The following NUP107 variants were observed in gnomAD, a reference collection of about 807,000 sequenced individuals.
NUP107 encodes the protein nuclear pore complex protein Nup107.
A neutral mutation model predicts 141.0 loss-of-function variants in NUP107; 101 were observed. The observed-to-expected ratio is 0.72, with a 90% CI of 0.61 to 0.84. NUP107 has a LOEUF of 0.84. Among genes scored for constraint, NUP107 ranks in the 40% least tolerant of loss-of-function variants. The pLI is 0.00. For missense variants in NUP107, 941 were observed against 1,102.7 expected, an observed-to-expected ratio of 0.85 and a Z score of 2.08; for synonymous variants, 319 against 363.9, an observed-to-expected ratio of 0.88 and a Z score of 1.41.
intron 18 of NUP107, among the ~76,000 whole-genome samples, chr12:68,726,158 T>G (rs1022128527): frequency 1.3e-5 from 2 of 152,174 alleles, no homozygotes; most frequent in Admixed American, 6.6e-5. Flanking sequence ...CCAGTTTTAT[T>G]TTACTCTTTA....
At chr12:68,714,325 CAA>C (rs1464772989) in intron 11 of NUP107, 2 of 151,874 alleles carry the variant, frequency 1.3e-5, no homozygotes, top group South Asian at 2.1e-4. Flanking sequence ...CATTTAGTAA[CAA>C]AGAGGTTTTT....
chr12:68,725,543 G>A (rs1334556732), intron 17 of NUP107, among the ~76,000 whole-genome samples, 184 bp from the exon 18 acceptor site: 3 of 152,144 alleles, frequency 2.0e-5, no homozygotes, highest in African/African-American at 7.2e-5. Flanking sequence ...TAAGCTGTGA[G>A]TATATTCCAA....
chr12:68,705,435 A>G (rs1467329040), intron 8 of NUP107, among the ~76,000 whole-genome samples: 1 of 151,448 alleles, frequency 6.6e-6, no homozygotes, highest in African/African-American at 2.4e-5. Flanking sequence ...TTTTAAAGGG[A>G]GTATCTCACT....
chr12:68,716,241 C>CT (rs370681977), intron 12 of NUP107, among the ~76,000 whole-genome samples: 1,289 of 116,670 alleles, frequency 0.011, 47 homozygotes, highest in African/African-American at 0.03. Flanking sequence ...TTCTTTCTTT[C>CT]TTTCTTTTTT....
intron 8 of NUP107, chr12:68,705,763 A>G: frequency 1.4e-6 from 1 of 730,558 alleles, no homozygotes; most frequent in Non-Finnish European, 2.5e-6. Context: ...AATGGGCAGC[A>G]GCAGTTTCCG....
intron 5 of NUP107, among the ~76,000 whole-genome samples, chr12:68,696,322 G>A (rs906864506): frequency 6.6e-6 from 1 of 151,162 alleles, no homozygotes; most frequent in African/African-American, 2.4e-5. Flanking sequence ...CTGAGATTGC[G>A]CCACTGCACT....
At chr12:68,723,190 T>C (rs1331843784) in intron 17 of NUP107, among the ~76,000 whole-genome samples, 1 of 151,062 alleles carries the variant, frequency 6.6e-6, no homozygotes, top group Admixed American at 6.6e-5. Flanking sequence ...CTGGGCAGCA[T>C]AGCAAAACTT....
At chr12:68,716,787 C>T (rs1277186242) in intron 12 of NUP107, among the ~76,000 whole-genome samples, 1 of 152,128 alleles carries the variant, frequency 6.6e-6, no homozygotes, top group African/African-American at 2.4e-5. Flanking sequence ...TTATGTTGTA[C>T]TTGGTTTACA....
chr12:68,696,041 A>C (rs1348050579), intron 5 of NUP107, among the ~76,000 whole-genome samples: 4 of 151,800 alleles, frequency 2.6e-5, no homozygotes. Context: ...GATTAAGATA[A>C]ATTTTATATT....
At position 68,730,449 on chromosome 12, in the gene NUP107, C is replaced by G. The variant is rs1304048772; in HGVS notation, c.1735-661C>G. Among the ~76,000 whole-genome samples the G allele has an allele frequency of 4.6e-5, 7 of 152,030 alleles. No homozygotes were observed. In the East Asian group the frequency reaches 1.4e-3, roughly 30 times the overall value. ...GGCCAGGCTGGTCTTGAACTCCTGG[C>G]CTTAGGTGATCCGCCTGCCTCAGCC... On this transcript the variant is annotated intron_variant, in intron 20 of 27. Coordinates refer to ENST00000229179, the MANE Select transcript of NUP107 (RefSeq NM_020401.4).
intron 4 of NUP107, among the ~76,000 whole-genome samples, 177 bp downstream of exon 4, chr12:68,690,923 T>C (rs1875754268): frequency 6.6e-6 from 1 of 151,762 alleles, no homozygotes; most frequent in African/African-American, 2.4e-5. Flanking sequence ...CTACTAACAA[T>C]AAAAAAATTA....
intron 22 of NUP107, among the ~76,000 whole-genome samples, chr12:68,732,411 C>T (rs1335110759): frequency 6.6e-6 from 1 of 151,970 alleles, no homozygotes; most frequent in Non-Finnish European, 1.5e-5. Flanking sequence ...GCTGGGATTA[C>T]GGGTGTGAGC....
rs201047805 is a variant in NUP107 at position 68,722,088 on chromosome 12, G to T, written c.1458-16G>T. The T allele has an allele frequency of 6.2e-7, 1 of 1,611,912 alleles. No homozygotes were observed. The highest frequency in any genetic ancestry group is 8.5e-7 in the Non-Finnish European group (1 of 1,179,414). Reference sequence around the variant, plus strand: ...ATATTATTAACATTATTCTTTTCCCGTTGTTTCTTTTGAAGCTGGACGTTA... The same window carrying T: ...ATATTATTAACATTATTCTTTTCCCTTTGTTTCTTTTGAAGCTGGACGTTA... On this transcript the variant is annotated splice_polypyrimidine_tract_variant and intron_variant, in intron 16 of 27. Coordinates refer to ENST00000229179, the MANE Select transcript of NUP107 (RefSeq NM_020401.4).
At chr12:68,691,837 A>T in intron 4 of NUP107, 131 bp from the exon 5 acceptor site, 1 of 755,022 alleles carries the variant, frequency 1.3e-6, no homozygotes, top group Non-Finnish European at 2.0e-6. Flanking sequence ...TTATCTCAAG[A>T]AGGGAAAAAA....
intron 6 of NUP107, among the ~76,000 whole-genome samples, chr12:68,699,485 T>C (rs896437733): frequency 6.6e-6 from 1 of 152,174 alleles, no homozygotes; most frequent in Admixed American, 6.5e-5. Flanking sequence ...AATAGACAAC[T>C]TTTTATCATT....
intron 1 of NUP107, 35 bp from the exon 2 acceptor site, chr12:68,688,926 CG>C: frequency 6.8e-7 from 1 of 1,464,334 alleles, no homozygotes; most frequent in Non-Finnish European, 9.5e-7. Flanking sequence ...GCTATATTCT[CG>C]TTTCACTTAT....
rs1877889022 is a variant in NUP107, at chr12:68,732,757, G to T, written c.2101+18G>T. ...ATTCTTGGGTATAGTATATTTTTAT[G>T]CAGCTTCAAACTCCTGGGCTCCATT... On this transcript the variant is annotated intron_variant, in intron 23 of 27. Transcript: ENST00000229179. The T allele has an allele frequency of 6.6e-7, 1 of 1,512,284 alleles. No homozygotes were observed. The highest frequency in any genetic ancestry group is 9.2e-7 in the Non-Finnish European group (1 of 1,092,326). The allele number at this position is 1,512,284 out of a possible 1,614,324, so 93.7% of individuals were successfully genotyped here.
At chr12:68,717,697 T>C (rs1275068844) in intron 12 of NUP107, among the ~76,000 whole-genome samples, 1 of 152,158 alleles carries the variant, frequency 6.6e-6, no homozygotes, top group Non-Finnish European at 1.5e-5. Context: ...CCCTGTAACC[T>C]CTAATCTACT....
chr12:68,730,848 T>C (rs995403109), intron 20 of NUP107, among the ~76,000 whole-genome samples: 2 of 152,094 alleles, frequency 1.3e-5, no homozygotes, highest in Non-Finnish European at 2.9e-5. Flanking sequence ...CATGTGCCTG[T>C]AGTCCCACCT....
Sources: allele counts gnomAD v4.1 joint callset (sites outside exome capture counted in the v4.1 genomes callset), GRCh38; gene constraint gnomAD v4.1.1; transcripts MANE v1.5; gene names NCBI Gene and HGNC (gene_info 2026-07-23, HGNC 2026-07-21).